Variants in TRNT1 observed in about 807,000 individuals in gnomAD.
TRNT1 encodes the protein CCA tRNA nucleotidyltransferase 1, mitochondrial.
TRNT1 carries 44 observed loss-of-function variants against 45.6 expected under a neutral mutation model. The observed-to-expected ratio is 0.97, with a 90% confidence interval of 0.76 to 1.24. TRNT1 has a LOEUF of 1.24. Among genes scored for constraint, TRNT1 ranks in the 50% most tolerant of loss-of-function variants. TRNT1 has a pLI of 0.00. For synonymous variants in TRNT1, 201 were observed against 171.4 expected (o/e 1.17, Z -1.35); for missense variants, 633 against 504.4 (o/e 1.25, Z -2.44).
Position 3,132,754 on chromosome 3 carries a change from A to C in TRNT1, c.148+3566A>C, listed in dbSNP as rs998795807. 1.7e-4 allele frequency among the ~76,000 whole-genome samples: 25 copies of C among 150,850 alleles called. 1 individual carries two copies. The highest frequency in any genetic ancestry group is 1.4e-3 in the Admixed American group (21 of 15,180). ...AGGAAAAAAAAAAAAACACAAAAAA[A>C]AAACACTGGATTTTCTCCACCCTGA... On this transcript the variant is annotated intron_variant, in intron 2 of 7. Coordinates refer to ENST00000251607, the MANE Select transcript of TRNT1 (RefSeq NM_182916.3).
At chr3:3,140,325 G>C (rs1473245514) in intron 3 of TRNT1, among the ~76,000 whole-genome samples, 185 bp from the exon 4 acceptor site, 1 of 152,018 alleles carries the variant, frequency 6.6e-6, no homozygotes, top group African/African-American at 2.4e-5. Context: ...CTTTTGATCT[G>C]TTTTTGAATA....
chr3:3,129,365 A>C, intron 2 of TRNT1, 177 bp downstream of exon 2: 1 of 576,692 alleles, frequency 1.7e-6, no homozygotes, highest in Non-Finnish European at 3.0e-6. Flanking sequence ...TCCTGGGCTC[A>C]CTCCTTGGCC....
At chr3:3,150,021 C>CACTTAAGGTTTACTT (rs1706391320), downstream of TRNT1, 1 of 152,090 alleles carries the variant, frequency 6.6e-6, no homozygotes, top group Non-Finnish European at 1.5e-5. Flanking sequence ...TTTAGTTTCA[C>CACTTAAGGTTTACTT]ACTTAAGGTT....
intron 2 of TRNT1, among the ~76,000 whole-genome samples, chr3:3,129,685 C>G (rs919770478): frequency 6.6e-6 from 1 of 152,242 alleles, no homozygotes; most frequent in African/African-American, 2.4e-5. Context: ...CAGTAAAAAG[C>G]ATGGCTTTTC....
rs753701052 is a variant in TRNT1 at position 3,140,602 on chromosome 3, G to T, written c.435G>T (p.Gln145His). 5 of 1,614,034 alleles carry T rather than the reference G, an allele frequency of 3.1e-6. No individual in the cohort carries two copies. The Admixed American group carries it at 8.3e-5, about 27-fold the overall frequency. ...AGGTAGAATTTACAACTGACTGGCA[G>T]AAAGATGCGGAACGCAGAGATCTCA... is the stretch of plus-strand genomic sequence containing the variant. ...HAEVEFTTDW[Q>H]KDAERRDLTI... The change falls in exon 4 of 8, where the codon CAG (glutamine) becomes CAT (histidine). Residue 145 changes from glutamine (Q) to histidine (H), a missense_variant. Transcript: ENST00000251607.
chr3:3,138,055 A>G (rs189109703), intron 3 of TRNT1, among the ~76,000 whole-genome samples: 14 of 152,302 alleles, frequency 9.2e-5, no homozygotes, highest in South Asian at 6.2e-4. Flanking sequence ...TCAAGTTTCA[A>G]TTGGGTTTTT....
At chr3:3,151,897 T>G (rs796724620), downstream of TRNT1, among the ~76,000 whole-genome samples, 25 of 152,310 alleles carry the variant, frequency 1.6e-4, no homozygotes, top group African/African-American at 6.0e-4. Context: ...AGTCTATCAT[T>G]GCTTTGTAAA....
downstream of TRNT1, chr3:3,150,695 A>T: frequency 1.5e-6 from 1 of 650,372 alleles, no homozygotes; most frequent in Non-Finnish European, 2.6e-6. Flanking sequence ...AAGTATACTT[A>T]AAAGTTTCAA....
intron 2 of TRNT1, among the ~76,000 whole-genome samples, chr3:3,135,273 A>G (rs2126013745): frequency 6.6e-6 from 1 of 152,292 alleles, no homozygotes; most frequent in South Asian, 2.1e-4. Flanking sequence ...TTTTGTGCAG[A>G]CAGCTGGTAC....
chr3:3,138,859 T>A (rs544052271), intron 3 of TRNT1, among the ~76,000 whole-genome samples: 1 of 152,332 alleles, frequency 6.6e-6, no homozygotes, highest in South Asian at 2.1e-4. Context: ...AGTGTTTTCT[T>A]TCAGGTTGGC....
At position 3,144,618 on chromosome 3, in the gene TRNT1, T is replaced by A. The variant is rs769552967; in HGVS notation, c.516T>A (p.Gly172=). The part of the protein sequence containing the change: ...FDGTLFDYFN[G]YEDLKNKKVR... ...GCACTTTATTTGACTACTTTAATGGTTATGAAGATTTAAAAAATAAGAAAG... is the reference window on the plus strand; with the variant it reads ...GCACTTTATTTGACTACTTTAATGGATATGAAGATTTAAAAAATAAGAAAG... The change falls in exon 5 of 8, where the codon GGT becomes GGA. Residue 172 remains glycine (G), a synonymous_variant. Transcript: ENST00000251607. 2.5e-6 allele frequency: 4 copies of A among 1,586,484 alleles called. No individual in the cohort carries two copies. Among genetic ancestry groups the A allele is most frequent in the Non-Finnish European group, 3.4e-6 (4 of 1,160,080 alleles).
At chr3:3,127,561 C>G (rs1704667037) in intron 1 of TRNT1, 1 of 152,642 alleles carries the variant, frequency 6.6e-6, no homozygotes, top group South Asian at 2.1e-4. Context: ...TGCCAGAAAT[C>G]AGAGGAGATT....
intron 7 of TRNT1, 40 bp downstream of exon 7, chr3:3,147,743 G>T: frequency 6.4e-7 from 1 of 1,554,294 alleles, no homozygotes; most frequent in East Asian, 2.3e-5. Context: ...ATGAAGTATC[G>T]TCACGAATTT....
chr3:3,144,553 T>C (rs768413630), intron 4 of TRNT1, 31 bp from the exon 5 acceptor site: 1 of 1,560,262 alleles, frequency 6.4e-7, no homozygotes, highest in East Asian at 2.3e-5. Flanking sequence ...TTGCCAATAG[T>C]GATTTTTCTC....
chr3:3,135,075 G>C (rs950998321), intron 2 of TRNT1, among the ~76,000 whole-genome samples: 1 of 152,068 alleles, frequency 6.6e-6, no homozygotes, highest in Admixed American at 6.5e-5. Flanking sequence ...CGAAGGGTAG[G>C]TTTTCTTTTA....
downstream of TRNT1, chr3:3,153,127 G>A (rs1440751321): frequency 2.8e-6 from 1 of 357,338 alleles, no homozygotes; most frequent in African/African-American, 2.1e-5. Context: ...TCTATGTTAG[G>A]GCCTAATTGA....
Position 3,148,816 on chromosome 3 carries a change from ATTGTT to A in TRNT1, c.*665_*669del, listed in dbSNP as rs1206555220. 1 of 128,482 alleles carries A rather than the reference ATTGTT, an allele frequency of 7.8e-6. No homozygotes were observed. The highest frequency in any genetic ancestry group is 1.8e-5 in the Non-Finnish European group (1 of 56,792). 8.0% of individuals were successfully genotyped at this position (128,482 alleles called of 1,614,324 possible). ...TCACTATTGAGCCTATTAATTAATT[ATTGTT>A]TTAATAAAACAAACATTGGTATTGG... On this transcript the variant is annotated 3_prime_UTR_variant, in exon 8 of 8. Coordinates refer to ENST00000251607, the MANE Select transcript of TRNT1 (RefSeq NM_182916.3).
intron 2 of TRNT1, among the ~76,000 whole-genome samples, chr3:3,135,198 T>C (rs528626547): frequency 6.6e-6 from 1 of 152,062 alleles, no homozygotes; most frequent in South Asian, 2.1e-4. Context: ...CTGGAGTAAG[T>C]TGGGGAGGTG....
intron 2 of TRNT1, among the ~76,000 whole-genome samples, chr3:3,133,015 T>C (rs1705110457): frequency 6.6e-6 from 1 of 152,144 alleles, no homozygotes; most frequent in African/African-American, 2.4e-5. Flanking sequence ...CTGTATAAAA[T>C]CAAAATGTAC....
Sources: allele counts gnomAD v4.1 joint callset (sites outside exome capture counted in the v4.1 genomes callset), GRCh38; gene constraint gnomAD v4.1.1; transcripts MANE v1.5; gene names NCBI Gene and HGNC (gene_info 2026-07-23, HGNC 2026-07-21).